The following SCFD2 variants were observed in gnomAD, a reference collection of about 807,000 sequenced individuals.
SCFD2 encodes sec1 family domain-containing protein 2.
A neutral mutation model predicts 58.9 loss-of-function variants in SCFD2; 54 were observed. That is an observed-to-expected ratio of 0.92 (90% confidence interval 0.74 to 1.15). SCFD2 has a LOEUF of 1.15. SCFD2 is among the 50% of genes most tolerant of loss of function. The pLI is 0.00. For missense variants in SCFD2, 805 were observed against 836.6 expected, an observed-to-expected ratio of 0.96 and a Z score of 0.47; for synonymous variants, 321 against 335.9, an observed-to-expected ratio of 0.96 and a Z score of 0.49.
chr4:53,026,177 C>T (rs1347491939), intron 5 of SCFD2, among the ~76,000 whole-genome samples: 1 of 152,168 alleles, frequency 6.6e-6, no homozygotes, highest in African/African-American at 2.4e-5. Context: ...AATTGCCCCT[C>T]AGTTCCACTC....
At chr4:53,126,356 G>C (rs1725628267) in intron 5 of SCFD2, among the ~76,000 whole-genome samples, 1 of 152,160 alleles carries the variant, frequency 6.6e-6, no homozygotes, top group Non-Finnish European at 1.5e-5. Flanking sequence ...ACAGAGTCTT[G>C]CTCTCTGGAA....
At chr4:53,050,719 T>C (rs1723166636) in intron 5 of SCFD2, among the ~76,000 whole-genome samples, 1 of 152,220 alleles carries the variant, frequency 6.6e-6, no homozygotes, top group Admixed American at 6.5e-5. Flanking sequence ...AACCCTTTCA[T>C]GGCTTCTCAC....
At position 53,002,026 on chromosome 4, in the gene SCFD2, A is replaced by C. The variant is rs182645704; in HGVS notation, c.1562-81156T>G. Among the ~76,000 whole-genome samples the C allele has an allele frequency of 8.5e-5, 13 of 152,364 alleles. No individual in the cohort carries two copies. In the East Asian group the frequency reaches 2.5e-3, roughly 29 times the overall value. On this transcript the variant is annotated intron_variant, in intron 5 of 8. Coordinates refer to ENST00000401642, the MANE Select transcript of SCFD2 (RefSeq NM_152540.4). ...CTTGTGGTTTACTGAATAATAAATAACTATTCAATAATTATTGGATGTCCT... is the reference window on the plus strand; with the variant it reads ...CTTGTGGTTTACTGAATAATAAATACCTATTCAATAATTATTGGATGTCCT...
intron 5 of SCFD2, among the ~76,000 whole-genome samples, chr4:52,955,642 C>A (rs1720694021): frequency 6.6e-6 from 1 of 152,170 alleles, no homozygotes; most frequent in Non-Finnish European, 1.5e-5. Context: ...TGCTCTTAGC[C>A]TTACTTTAAA....
At chr4:52,876,087 G>T (rs1229179105) in intron 8 of SCFD2, among the ~76,000 whole-genome samples, 33 of 151,966 alleles carry the variant, frequency 2.2e-4, no homozygotes, top group African/African-American at 7.5e-4. Flanking sequence ...GAGCCTGGCG[G>T]CTTCCAGGCG....
intron 5 of SCFD2, among the ~76,000 whole-genome samples, chr4:53,056,331 C>T (rs1021945251): frequency 2.0e-5 from 3 of 152,128 alleles, no homozygotes; most frequent in African/African-American, 7.2e-5. Context: ...TGTCCATTCT[C>T]ACAGTAAATC....
intron 5 of SCFD2, among the ~76,000 whole-genome samples, chr4:53,091,663 C>G (rs1409099093): frequency 6.6e-6 from 1 of 152,084 alleles, no homozygotes; most frequent in Non-Finnish European, 1.5e-5. Flanking sequence ...TAAAGTCTCT[C>G]CAGAGTCCTG....
intron 4 of SCFD2, among the ~76,000 whole-genome samples, chr4:53,247,937 G>A (rs1346375516): frequency 1.3e-5 from 2 of 151,352 alleles, no homozygotes; most frequent in Admixed American, 6.6e-5. Flanking sequence ...GGCCGAATAG[G>A]AACAGCTCCG....
At chr4:52,936,127 G>A (rs190057397) in intron 5 of SCFD2, among the ~76,000 whole-genome samples, 126 of 152,220 alleles carry the variant, frequency 8.3e-4, no homozygotes, top group African/African-American at 2.1e-3. Flanking sequence ...GTGAGCCACC[G>A]CACCCAGACT....
At chr4:53,042,996 G>GA (rs1374320852) in intron 5 of SCFD2, among the ~76,000 whole-genome samples, 1 of 152,116 alleles carries the variant, frequency 6.6e-6, no homozygotes, top group East Asian at 1.9e-4. Flanking sequence ...TTATAAGTTA[G>GA]AAAAACAACA....
intron 5 of SCFD2, among the ~76,000 whole-genome samples, chr4:53,097,006 T>C (rs1724669933): frequency 6.6e-6 from 1 of 152,236 alleles, no homozygotes; most frequent in Non-Finnish European, 1.5e-5. Flanking sequence ...GTCAGGTTTG[T>C]CAAAGATCAG....
At chr4:53,343,385 C>T (rs1451605761) in intron 2 of SCFD2, among the ~76,000 whole-genome samples, 2 of 152,150 alleles carry the variant, frequency 1.3e-5, no homozygotes, top group East Asian at 3.9e-4. Flanking sequence ...CACTTACACC[C>T]TCCCAAGACT....
intron 5 of SCFD2, among the ~76,000 whole-genome samples, chr4:53,082,163 T>A (rs1247657901): frequency 3.3e-5 from 5 of 152,214 alleles, no homozygotes; most frequent in Admixed American, 2.6e-4. Context: ...CATTCATATA[T>A]AAGGTTTTGT....
chr4:53,235,680 T>C lies in SCFD2; in HGVS notation c.1311+38146A>G, dbSNP rs540194121. On this transcript the variant is annotated intron_variant, in intron 4 of 8. Coordinates refer to ENST00000401642, the MANE Select transcript of SCFD2 (RefSeq NM_152540.4). ...GTGAAGAGAAAGTAGCAATTGTAAA[T>C]GCTCTGAGATTCCCCATTTGTCAAG... is the stretch of plus-strand genomic sequence containing the variant. Among the ~76,000 whole-genome samples, 27 of 152,334 alleles carry C rather than the reference T, an allele frequency of 1.8e-4. 1 individual carries two copies. The South Asian group carries it at 5.2e-3, about 29-fold the overall frequency.
intron 5 of SCFD2, among the ~76,000 whole-genome samples, chr4:52,971,302 C>G (rs1173263457): frequency 6.6e-6 from 1 of 152,108 alleles, no homozygotes; most frequent in African/African-American, 2.4e-5. Context: ...CTAGAATAAC[C>G]AATGCAGAGA....
intron 4 of SCFD2, among the ~76,000 whole-genome samples, chr4:53,245,214 T>C (rs1730028802): frequency 6.6e-6 from 1 of 151,914 alleles, no homozygotes. Flanking sequence ...CTGAAACTAT[T>C]CAAAAAATTG....
intron 1 of SCFD2, among the ~76,000 whole-genome samples, chr4:53,358,338 G>A (rs1734456405): frequency 6.6e-6 from 1 of 152,046 alleles, no homozygotes; most frequent in Admixed American, 6.6e-5. Context: ...AGACCAGCCT[G>A]GCCAACATGG....
intron 4 of SCFD2, among the ~76,000 whole-genome samples, chr4:53,209,862 C>T (rs987159131): frequency 1.3e-5 from 2 of 151,728 alleles, no homozygotes; most frequent in Admixed American, 1.3e-4. Context: ...AATCAGTAAA[C>T]CCTTTCTCAA....
intron 2 of SCFD2, among the ~76,000 whole-genome samples, chr4:53,326,287 C>T (rs1409045826): frequency 3.3e-5 from 5 of 152,086 alleles, no homozygotes; most frequent in East Asian, 1.9e-4. Context: ...GGACAACAGG[C>T]GCATGCCCCC....
Sources: allele counts gnomAD v4.1 joint callset (sites outside exome capture counted in the v4.1 genomes callset), GRCh38; gene constraint gnomAD v4.1.1; transcripts MANE v1.5; gene names NCBI Gene and HGNC (gene_info 2026-07-23, HGNC 2026-07-21).